Variants in GOLGA3 observed in about 807,000 individuals in gnomAD.
GOLGA3 encodes golgin subfamily A member 3.
A neutral mutation model predicts 169.4 loss-of-function variants in GOLGA3; 75 were observed. The ratio of observed to expected loss-of-function variants is 0.44; its 90% CI spans 0.37 to 0.54. The LOEUF (loss-of-function observed/expected upper bound fraction) is 0.54, where lower values mean the gene tolerates loss of function less well. Among genes scored for constraint, GOLGA3 ranks in the 20% least tolerant of loss-of-function variants. The pLI, the probability that GOLGA3 is intolerant of heterozygous loss-of-function variation, is 0.00. For synonymous variants in GOLGA3, 824 were observed against 822.4 expected (o/e 1.00, Z -0.03); for missense variants, 1,899 against 1,930.0 (o/e 0.98, Z 0.30).
chr12:132,823,168 C>T (rs1439576898), intron 1 of GOLGA3, among the ~76,000 whole-genome samples: 1 of 152,244 alleles, frequency 6.6e-6, no homozygotes, highest in African/African-American at 2.4e-5. Flanking sequence ...CACGGCAGGG[C>T]CCGTTCCCGT....
chr12:132,783,856 A>G (rs1430913287), intron 16 of GOLGA3: 10 of 1,407,398 alleles, frequency 7.1e-6, no homozygotes, highest in African/African-American at 1.4e-5. Flanking sequence ...GATTACAGGC[A>G]TGAGCCACTC....
At chr12:132,811,407 T>A (rs1471059050) in intron 4 of GOLGA3, among the ~76,000 whole-genome samples, 1 of 152,210 alleles carries the variant, frequency 6.6e-6, no homozygotes, top group Non-Finnish European at 1.5e-5. Context: ...ATCCTTTTTG[T>A]TGTTATAAAT....
At chr12:132,786,660 C>T in intron 14 of GOLGA3, 33 bp downstream of exon 14, 2 of 1,507,730 alleles carry the variant, frequency 1.3e-6, no homozygotes, top group Non-Finnish European at 9.2e-7. Context: ...CCCACCTGGC[C>T]CCCGCACCTC....
rs1440629914 is a variant in GOLGA3 at position 132,786,759 on chromosome 12, A to G, written c.2840T>C (p.Val947Ala). The G allele has an allele frequency of 1.2e-6, 2 of 1,613,270 alleles. No individual in the cohort carries two copies. Among genetic ancestry groups the G allele is most frequent in the Non-Finnish European group, 8.5e-7 (1 of 1,179,490 alleles). Residue 947 changes from valine (V) to alanine (A), a missense_variant, in exon 14 of 24, where the codon GTC becomes GCC. Val to Ala is a moderately conservative substitution (Grantham distance 64). Transcript: ENST00000450791. ...QSLQFDKEQMVAVTEANEALK... is the reference protein window; with the variant it reads ...QSLQFDKEQMAAVTEANEALK... ...CGCCTCATTGGCCTCTGTGACCGCG[A>G]CCATCTGCTCCTTATCGAACTGCAA...
At chr12:132,807,402 TTAAG>T (rs1253742393) in intron 5 of GOLGA3, 114 bp from the exon 6 acceptor site, 10 of 562,260 alleles carry the variant, frequency 1.8e-5, no homozygotes, top group South Asian at 1.3e-4. Context: ...TTTTTTAAAA[TTAAG>T]TAAGAGATTT....
At chr12:132,816,427 C>T (rs1429727601) in intron 3 of GOLGA3, 113 bp downstream of exon 3, 10 of 1,094,886 alleles carry the variant, frequency 9.1e-6, no homozygotes, top group Admixed American at 2.1e-5. Context: ...AGATGGCACA[C>T]GGCAGGCACA....
intron 2 of GOLGA3, among the ~76,000 whole-genome samples, chr12:132,821,727 G>C (rs1044102386): frequency 6.7e-6 from 1 of 150,254 alleles, no homozygotes; most frequent in African/African-American, 2.4e-5. Flanking sequence ...GGTGGCGGGC[G>C]CCTGTAATCC....
At position 132,776,616 on chromosome 12, in the gene GOLGA3, C is replaced by T. The variant is rs761271757; in HGVS notation, c.3978+18G>A. Reference sequence around the variant, plus strand: ...CCCTGCTGCTCCCGCCTGTGCCCAGCGCCTCACACACAGGTACCTGCAGCA... The same window carrying T: ...CCCTGCTGCTCCCGCCTGTGCCCAGTGCCTCACACACAGGTACCTGCAGCA... On this transcript the variant is annotated intron_variant, in intron 21 of 23. Transcript: ENST00000450791. 18 of 1,544,730 alleles carry T rather than the reference C, an allele frequency of 1.2e-5. No individual in the cohort carries two copies. The highest frequency in any genetic ancestry group is 1.4e-5 in the Non-Finnish European group (16 of 1,140,578).
At position 132,804,489 on chromosome 12, in the gene GOLGA3, C is replaced by T. The variant is rs114471305; in HGVS notation, c.1597+227G>A. On this transcript the variant is annotated intron_variant, in intron 7 of 23. Transcript: ENST00000450791. This position sits in a 1 kb window ranked among gnomAD's most constrained non-coding sequence, Gnocchi z 4.1. ...CAGGCACAGTCACATGCCGACAGAG[C>T]TGTCAGCACCAGGGAGGAGGGCGTG... 2.4e-3 allele frequency among the ~76,000 whole-genome samples: 361 copies of T among 152,314 alleles called. 1 individual carries two copies. The highest frequency in any genetic ancestry group is 7.9e-3 in the African/African-American group (327 of 41,550).
At chr12:132,823,970 C>T (rs1437476591) in intron 1 of GOLGA3, among the ~76,000 whole-genome samples, 1 of 152,016 alleles carries the variant, frequency 6.6e-6, no homozygotes, top group Non-Finnish European at 1.5e-5. Context: ...GTAATCCCAG[C>T]TACTCAGGAG....
At chr12:132,796,420 C>T in intron 10 of GOLGA3, 119 bp downstream of exon 10, 1 of 1,276,140 alleles carries the variant, frequency 7.8e-7, no homozygotes. Context: ...GACAGCCCAA[C>T]TCCCACCTGA....
At position 132,816,573 on chromosome 12, in the gene GOLGA3, TGA is replaced by T. The variant is rs1260233039; in HGVS notation, c.371_372del (p.Leu124GlnfsTer61). 3 of 1,614,028 alleles carry T rather than the reference TGA, an allele frequency of 1.9e-6. No homozygotes were observed. The highest frequency in any genetic ancestry group is 1.1e-5 in the South Asian group (1 of 91,084). On this transcript the variant is annotated frameshift_variant, in exon 3 of 24. Coordinates refer to ENST00000450791, the MANE Select transcript of GOLGA3 (RefSeq NM_001389683.1). LOFTEE classifies it high-confidence loss of function. ...GTTTCTTGCATAGGAAGACTGAGTC[TGA>T]GAGACTGCAAAGCTTCTTTTCTAAC... Reference protein sequence around the residue: ...GSVRKEALQSLRLSLPMQETQ... With the variant: ...GSVRKEALQSXRLSLPMQETQ...
chr12:132,774,792 T>C, intron 22 of GOLGA3: 1 of 467,006 alleles, frequency 2.1e-6, no homozygotes, highest in South Asian at 4.2e-5. Context: ...AACATGGATG[T>C]GGACCGAGCA....
intron 23 of GOLGA3, among the ~76,000 whole-genome samples, chr12:132,773,935 T>C (rs559943714): frequency 7.7e-6 from 1 of 129,430 alleles, no homozygotes; most frequent in South Asian, 2.6e-4. Context: ...TATATAAACC[T>C]CAGAGGCTGA....
rs554721558 is a variant in GOLGA3 at position 132,792,546 on chromosome 12, C to T, written c.2470-1253G>A. The stretch of plus-strand genomic sequence containing the variant: ...GGAGCTTGTGAGAAATGCAGAGCCT[C>T]GGGCCCCACACAGACCCACCGCACA... On this transcript the variant is annotated intron_variant, in intron 11 of 23. Coordinates refer to ENST00000450791, the MANE Select transcript of GOLGA3 (RefSeq NM_001389683.1). Among the ~76,000 whole-genome samples, 25 of 152,230 alleles carry T rather than the reference C, an allele frequency of 1.6e-4. No individual in the cohort carries two copies. In the South Asian group the frequency reaches 4.8e-3, roughly 29 times the overall value.
intron 18 of GOLGA3, among the ~76,000 whole-genome samples, chr12:132,778,015 G>A (rs573318585): frequency 1.3e-4 from 20 of 152,364 alleles, no homozygotes; most frequent in African/African-American, 4.1e-4. Context: ...TGTGGCTGCT[G>A]CTATCTGTTG....
chr12:132,828,702 C>CCCGCCGCCCCATGCCCGGCCT (rs144815736), intron 1 of GOLGA3, 101 bp downstream of exon 1: 9 of 152,198 alleles, frequency 5.9e-5, no homozygotes, highest in Non-Finnish European at 1.0e-4. Flanking sequence ...GCGCCCAGGC[C>CCCGCCGCCCCATGCCCGGCCT]CCGCCGCCGC....
At chr12:132,807,028 A>G (rs1246180783) in intron 6 of GOLGA3, 149 bp downstream of exon 6, 4 of 554,118 alleles carry the variant, frequency 7.2e-6, no homozygotes, top group Non-Finnish European at 9.8e-6. Flanking sequence ...CAAGTAGACA[A>G]AAAACGTAAA....
intron 23 of GOLGA3, 139 bp from the exon 24 acceptor site, chr12:132,773,433 AAGCTCAGC>A: frequency 2.3e-6 from 1 of 440,026 alleles, no homozygotes. Context: ...GAGACCACAG[AAGCTCAGC>A]TGTTCTCAGC....
Sources: allele counts gnomAD v4.1 joint callset (sites outside exome capture counted in the v4.1 genomes callset), GRCh38; gene constraint gnomAD v4.1.1; non-coding constraint Gnocchi (gnomAD v3.1); transcripts MANE v1.5; gene names NCBI Gene and HGNC (gene_info 2026-07-23, HGNC 2026-07-21).